Variants in CDH18 observed in about 807,000 individuals in gnomAD.
The protein encoded by CDH18 is cadherin 18, also known as cadherin-18.
Under a neutral mutation model 67.9 loss-of-function variants are expected in CDH18, and 31 were observed. The observed-to-expected ratio is 0.46, with a 90% CI of 0.34 to 0.62. The LOEUF is 0.62. Among genes scored for constraint, CDH18 ranks in the 20% least tolerant of loss-of-function variants. The pLI, the probability that CDH18 is intolerant of heterozygous loss-of-function variation, is 0.01. For missense variants in CDH18, 890 were observed against 975.5 expected, an observed-to-expected ratio of 0.91 and a Z score of 1.17; for synonymous variants, 362 against 347.2, an observed-to-expected ratio of 1.04 and a Z score of -0.48.
chr5:20,377,191 A>G (rs961114852), intron 1 of CDH18, among the ~76,000 whole-genome samples: 3 of 152,184 alleles, frequency 2.0e-5, no homozygotes, highest in East Asian at 1.9e-4. Context: ...TAGAATTTTG[A>G]TGGTGTACTG....
intron 1 of CDH18, among the ~76,000 whole-genome samples, chr5:20,508,593 C>A (rs1754807534): frequency 6.6e-6 from 1 of 150,898 alleles, no homozygotes; most frequent in Admixed American, 6.6e-5. Flanking sequence ...ATTCATTTAC[C>A]CCAACCTCTC....
At chr5:20,299,845 C>A (rs959578502) in intron 1 of CDH18, among the ~76,000 whole-genome samples, 1 of 150,346 alleles carries the variant, frequency 6.7e-6, no homozygotes, top group Non-Finnish European at 1.5e-5. Flanking sequence ...AACCCAAGAA[C>A]CTTAGTTTTG....
intron 1 of CDH18, among the ~76,000 whole-genome samples, chr5:20,409,830 A>G (rs902691668): frequency 4.0e-5 from 6 of 151,726 alleles, no homozygotes; most frequent in Non-Finnish European, 7.4e-5. Flanking sequence ...ATGTCACAGA[A>G]AAAGAAAGGA....
intron 2 of CDH18, among the ~76,000 whole-genome samples, chr5:19,946,220 A>G (rs538724336): frequency 2.0e-5 from 3 of 152,164 alleles, no homozygotes; most frequent in Non-Finnish European, 4.4e-5. Context: ...AGGTGATTAA[A>G]TAAAAGAACT....
chr5:19,491,199 T>C (rs1447692405), intron 11 of CDH18, among the ~76,000 whole-genome samples: 1 of 152,182 alleles, frequency 6.6e-6, no homozygotes, highest in Non-Finnish European at 1.5e-5. Flanking sequence ...TCCAACCTCG[T>C]CCCTGACCTT....
intron 5 of CDH18, among the ~76,000 whole-genome samples, chr5:19,649,263 C>G (rs987334297): frequency 6.6e-6 from 1 of 152,006 alleles, no homozygotes; most frequent in African/African-American, 2.4e-5. Context: ...ATTTGTTTGT[C>G]CCTTAAGTGA....
At chr5:20,021,822 C>T (rs1738448086) in intron 2 of CDH18, among the ~76,000 whole-genome samples, 1 of 152,166 alleles carries the variant, frequency 6.6e-6, no homozygotes, top group African/African-American at 2.4e-5. Flanking sequence ...CACATGTAAT[C>T]TCTATAAACA....
intron 1 of CDH18, among the ~76,000 whole-genome samples, chr5:20,372,832 A>AT (rs200601159): frequency 1.3e-5 from 2 of 150,846 alleles, no homozygotes; most frequent in African/African-American, 4.9e-5. Context: ...CAGTTTGGAT[A>AT]TTTTTTATTT....
intron 10 of CDH18, among the ~76,000 whole-genome samples, chr5:19,512,723 T>C (rs1322490212): frequency 6.6e-6 from 1 of 152,186 alleles, no homozygotes; most frequent in Non-Finnish European, 1.5e-5. Context: ...TTTTCACAAA[T>C]GCTTTGGATT....
intron 2 of CDH18, among the ~76,000 whole-genome samples, chr5:19,953,828 T>C (rs1482987416): frequency 6.6e-6 from 1 of 152,072 alleles, no homozygotes; most frequent in African/African-American, 2.4e-5. Flanking sequence ...GTTTTCCTGC[T>C]TTAATTTTTT....
chr5:20,482,334 T>A (rs1752871934), intron 1 of CDH18, among the ~76,000 whole-genome samples: 1 of 152,110 alleles, frequency 6.6e-6, no homozygotes, highest in African/African-American at 2.4e-5. Context: ...ACCAATGGCT[T>A]CATTGCTGAA....
intron 2 of CDH18, among the ~76,000 whole-genome samples, chr5:19,841,767 C>G (rs1295619466): frequency 6.6e-6 from 1 of 152,050 alleles, no homozygotes; most frequent in Non-Finnish European, 1.5e-5. Flanking sequence ...GTGGCTTTTG[C>G]AATGCATTAC....
intron 4 of CDH18, among the ~76,000 whole-genome samples, chr5:19,735,419 C>G (rs533700287): frequency 7.1e-6 from 1 of 140,018 alleles, no homozygotes; most frequent in African/African-American, 2.7e-5. Flanking sequence ...TTTTTTGAGA[C>G]GGAGTCTCGC....
chr5:20,410,908 C>G (rs1746718053), intron 1 of CDH18, among the ~76,000 whole-genome samples: 1 of 151,712 alleles, frequency 6.6e-6, no homozygotes, highest in Admixed American at 6.6e-5. Flanking sequence ...AGGCAAAAAT[C>G]TTATCCTGAA....
At chr5:20,239,238 T>A (rs1742705489) in intron 2 of CDH18, among the ~76,000 whole-genome samples, 1 of 152,148 alleles carries the variant, frequency 6.6e-6, no homozygotes. Flanking sequence ...GCAGATTGCC[T>A]GAGCTCAGGA....
At chr5:20,526,475 C>A (rs1394085806) in intron 1 of CDH18, among the ~76,000 whole-genome samples, 1 of 152,072 alleles carries the variant, frequency 6.6e-6, no homozygotes, top group Non-Finnish European at 1.5e-5. Context: ...GATCTCCCAA[C>A]AGGGGTTTCT....
chr5:19,615,680 T>C (rs1382069459), intron 5 of CDH18, among the ~76,000 whole-genome samples: 2 of 152,124 alleles, frequency 1.3e-5, no homozygotes, highest in Non-Finnish European at 2.9e-5. Flanking sequence ...GCTCTAAAAA[T>C]TGTCTCTTCT....
At chr5:19,599,328 C>G (rs1421451054) in intron 6 of CDH18, among the ~76,000 whole-genome samples, 1 of 151,902 alleles carries the variant, frequency 6.6e-6, no homozygotes, top group African/African-American at 2.4e-5. Context: ...GATTATGTGT[C>G]TTTTTATAAA....
intron 5 of CDH18, among the ~76,000 whole-genome samples, chr5:19,692,924 A>T (rs960692100): frequency 6.6e-6 from 1 of 152,144 alleles, no homozygotes; most frequent in Non-Finnish European, 1.5e-5. Context: ...AGTATATCAA[A>T]GGTATAACTA....
Sources: gnomAD v4.1 joint callset for allele counts (sites outside exome capture counted in the v4.1 genomes callset) on GRCh38, gnomAD v4.1.1 for gene constraint, MANE v1.5 for transcripts, NCBI Gene and HGNC (gene_info 2026-07-23, HGNC 2026-07-21) for gene names.